The following ANO6 variants were observed in gnomAD, a reference collection of about 807,000 sequenced individuals.
ANO6 encodes anoctamin 6.
ANO6 carries 106 observed loss-of-function variants against 117.5 expected under a neutral mutation model. The ratio of observed to expected loss-of-function variants is 0.90; its 90% CI spans 0.77 to 1.06. ANO6 has a LOEUF of 1.06. ANO6 is among the 50% of genes least tolerant of loss of function. ANO6 has a pLI of 0.00. For missense variants in ANO6, 955 were observed against 1,121.1 expected (o/e 0.85, Z 2.12); for synonymous variants, 367 against 385.1 (o/e 0.95, Z 0.55).
chr12:45,400,997 C>A (rs1240161386), intron 12 of ANO6, among the ~76,000 whole-genome samples: 2 of 152,184 alleles, frequency 1.3e-5, no homozygotes. Flanking sequence ...GGTGAGAAAT[C>A]TGCTTACTGA....
At chr12:45,436,794 C>G (rs1001393356), downstream of ANO6, among the ~76,000 whole-genome samples, 16 of 152,116 alleles carry the variant, frequency 1.1e-4, no homozygotes, top group Non-Finnish European at 1.9e-4. Context: ...ATGGTGAAAC[C>G]CTATTTCTAC....
chr12:45,222,821 G>A (rs532490657), intron 1 of ANO6, among the ~76,000 whole-genome samples: 4 of 152,358 alleles, frequency 2.6e-5, no homozygotes, highest in African/African-American at 9.6e-5. Flanking sequence ...AGGAAGGAAT[G>A]CTGCACAGAG....
At chr12:45,347,125 T>C in intron 4 of ANO6, 38 bp downstream of exon 4, 1 of 1,598,466 alleles carries the variant, frequency 6.3e-7, no homozygotes, top group Non-Finnish European at 8.6e-7. Context: ...GGCTGACCAC[T>C]GTTCTCGGGC....
Position 45,388,175 on chromosome 12 carries a change from G to A in ANO6, c.1180G>A (p.Glu394Lys). The A allele has an allele frequency of 6.2e-7, 1 of 1,613,912 alleles. No homozygotes were observed. The highest frequency in any genetic ancestry group is 8.5e-7 in the Non-Finnish European group (1 of 1,179,864). ...FMGVWVTLFL[E>K]FWKRRQAELE... ...CTCTCTGTTAGTTACCTTGTTTTTG[G>A]AGTTTTGGAAGCGACGCCAGGCAGA... is the stretch of plus-strand genomic sequence containing the variant. Residue 394 changes from glutamate to lysine, a missense_variant, in exon 11 of 20, where the codon GAG (glutamate) becomes AAG (lysine). By Grantham distance (56) the Glu-to-Lys change is moderately conservative. Coordinates refer to ENST00000320560, the MANE Select transcript of ANO6 (RefSeq NM_001025356.3).
chr12:45,282,579 T>C (rs1465674644), intron 1 of ANO6, among the ~76,000 whole-genome samples: 1 of 152,206 alleles, frequency 6.6e-6, no homozygotes, highest in Non-Finnish European at 1.5e-5. Flanking sequence ...CAAGTCACTA[T>C]GGACCTTAGA....
chr12:45,407,130 T>C (rs1325995667), intron 15 of ANO6, among the ~76,000 whole-genome samples: 4 of 152,190 alleles, frequency 2.6e-5, no homozygotes, highest in Admixed American at 2.6e-4. Context: ...AACCCAAACA[T>C]GAGTGGTTCA....
rs1355354002 is a variant in ANO6, at chr12:45,431,960, G to A, written c.*2649G>A. On this transcript the variant is annotated 3_prime_UTR_variant, in exon 20 of 20. Coordinates refer to ENST00000320560, the MANE Select transcript of ANO6 (RefSeq NM_001025356.3). ...CAGATAATTTAGCTATATATCATTA[G>A]AAAGGGAAAGCTATCATTTTTATTT... 1.0e-6 allele frequency: 1 copy of A among 985,182 alleles called. No homozygotes were observed. Among genetic ancestry groups the A allele is most frequent in the African/African-American group, 1.7e-5 (1 of 57,232 alleles). 61.0% of individuals were successfully genotyped at this position (985,182 alleles called of 1,614,324 possible).
intron 2 of ANO6, among the ~76,000 whole-genome samples, chr12:45,304,299 G>A (rs149164142): frequency 1.4e-4 from 22 of 152,250 alleles, no homozygotes; most frequent in Admixed American, 2.0e-4. Flanking sequence ...AGCTTACAGC[G>A]TCAGTGAAAA....
intron 1 of ANO6, among the ~76,000 whole-genome samples, chr12:45,270,054 T>G (rs886823336): frequency 2.2e-4 from 33 of 152,102 alleles, no homozygotes; most frequent in African/African-American, 8.0e-4. Context: ...CAGAAGATGT[T>G]ATTGTGCACC....
exon 20 of ANO6, chr12:45,439,990 G>A: frequency 6.3e-6 from 9 of 1,429,716 alleles, no homozygotes; most frequent in African/African-American, 1.4e-5. Context: ...TATGTGGCCA[G>A]CATTGTTTCA....
chr12:45,423,400 T>C (rs1943416761), intron 19 of ANO6, among the ~76,000 whole-genome samples: 1 of 152,194 alleles, frequency 6.6e-6, no homozygotes, highest in Non-Finnish European at 1.5e-5. Flanking sequence ...TGAGAAACTT[T>C]TATTGCTGGG....
intron 19 of ANO6, among the ~76,000 whole-genome samples, chr12:45,437,450 CTTATT>C (rs1320246718): frequency 2.0e-5 from 3 of 152,002 alleles, no homozygotes; most frequent in African/African-American, 7.2e-5. Context: ...TGGGCTTATT[CTTATT>C]TTAAATTTTT....
At chr12:45,221,850 G>A (rs1255576783) in intron 1 of ANO6, among the ~76,000 whole-genome samples, 1 of 150,170 alleles carries the variant, frequency 6.7e-6, no homozygotes, top group Non-Finnish European at 1.5e-5. Context: ...CTGACCATTG[G>A]CTCAGACCAT....
chr12:45,218,390 C>CTTTTTTTT (rs76855973), intron 1 of ANO6, among the ~76,000 whole-genome samples: 17 of 110,102 alleles, frequency 1.5e-4, no homozygotes, highest in African/African-American at 4.6e-4. Flanking sequence ...CTTTCTTTCT[C>CTTTTTTTT]TTTTTTTTTT....
downstream of ANO6, among the ~76,000 whole-genome samples, chr12:45,436,934 C>G (rs1565782741): frequency 6.6e-6 from 1 of 152,238 alleles, no homozygotes; most frequent in East Asian, 1.9e-4. Context: ...CCATTGCACT[C>G]CAGCCTGGGC....
chr12:45,253,668 T>C (rs1464604807), intron 1 of ANO6, among the ~76,000 whole-genome samples: 1 of 152,238 alleles, frequency 6.6e-6, no homozygotes, highest in Non-Finnish European at 1.5e-5. Flanking sequence ...TCAGTTATTA[T>C]TTTGGTTGTA....
chr12:45,380,002 C>T (rs927517175), intron 10 of ANO6, among the ~76,000 whole-genome samples: 1 of 152,188 alleles, frequency 6.6e-6, no homozygotes, highest in South Asian at 2.1e-4. Context: ...CAGGCTACAG[C>T]CTCTTGTGAA....
At chr12:45,244,386 C>T (rs1164549716) in intron 1 of ANO6, among the ~76,000 whole-genome samples, 1 of 126,424 alleles carries the variant, frequency 7.9e-6, no homozygotes, top group Non-Finnish European at 1.6e-5. Context: ...GCGGTTACTA[C>T]ATAGGGCTTC....
At chr12:45,434,193 G>A (rs1298589254), downstream of ANO6, among the ~76,000 whole-genome samples, 1 of 152,186 alleles carries the variant, frequency 6.6e-6, no homozygotes, top group East Asian at 1.9e-4. Flanking sequence ...CAAGTAGACT[G>A]TGATTCCTAA....
Sources: allele counts gnomAD v4.1 joint callset (sites outside exome capture counted in the v4.1 genomes callset), GRCh38; gene constraint gnomAD v4.1.1; transcripts MANE v1.5; gene names NCBI Gene and HGNC (gene_info 2026-07-23, HGNC 2026-07-21).